LHFPL6: variants seen among roughly 807,000 people sequenced by gnomAD.
LHFPL6 encodes LHFPL tetraspan subfamily member 6, also known as LHFPL tetraspan subfamily member 6 protein.
A neutral mutation model predicts 20.6 loss-of-function variants in LHFPL6; 9 were observed. The observed-to-expected ratio is 0.44, with a 90% CI of 0.26 to 0.76. The LOEUF (loss-of-function observed/expected upper bound fraction) is 0.76, where lower values mean the gene tolerates loss of function less well. Among genes scored for constraint, LHFPL6 ranks in the 30% least tolerant of loss-of-function variants. LHFPL6 has a pLI of 0.20. For synonymous variants in LHFPL6, 105 were observed against 98.7 expected (o/e 1.06, Z -0.38); for missense variants, 218 against 253.5 (o/e 0.86, Z 0.95).
chr13:39,535,176 C>A (rs1300199040), intron 2 of LHFPL6, among the ~76,000 whole-genome samples: 1 of 152,190 alleles, frequency 6.6e-6, no homozygotes, highest in African/African-American at 2.4e-5. Context: ...TGGAGAAGGG[C>A]CCACCCTAAT....
intron 2 of LHFPL6, among the ~76,000 whole-genome samples, chr13:39,379,369 G>C (rs964681271): frequency 6.6e-6 from 1 of 152,124 alleles, no homozygotes; most frequent in Admixed American, 6.6e-5. Flanking sequence ...GTCAATCACA[G>C]GTGTTATCAA....
intron 2 of LHFPL6, among the ~76,000 whole-genome samples, chr13:39,542,090 C>CA (rs1276711788): frequency 1.1e-5 from 1 of 87,168 alleles, no homozygotes; most frequent in Admixed American, 1.1e-4. Context: ...GACTCTATCT[C>CA]AAAAATATAA....
chr13:39,361,842 A>G (rs1377038598), intron 3 of LHFPL6, among the ~76,000 whole-genome samples: 1 of 152,158 alleles, frequency 6.6e-6, no homozygotes, highest in Non-Finnish European at 1.5e-5. Flanking sequence ...GCATTGCCAG[A>G]TAAGAGAATG....
chr13:39,547,394 C>A (rs1483090574), intron 2 of LHFPL6, among the ~76,000 whole-genome samples: 3 of 152,024 alleles, frequency 2.0e-5, no homozygotes, highest in African/African-American at 7.3e-5. Flanking sequence ...AAATCAAAAT[C>A]AATTTGCTGA....
chr13:39,527,764 T>C (rs1012945247), intron 2 of LHFPL6, among the ~76,000 whole-genome samples: 2 of 152,158 alleles, frequency 1.3e-5, no homozygotes, highest in African/African-American at 2.4e-5. Context: ...GACTACAAAA[T>C]TGGCTGGACA....
chr13:39,408,843 G>A (rs1369611032), intron 2 of LHFPL6, among the ~76,000 whole-genome samples: 1 of 152,180 alleles, frequency 6.6e-6, no homozygotes, highest in Non-Finnish European at 1.5e-5. Context: ...TAGAAGGAAT[G>A]AGAGGTTTGT....
At chr13:39,568,400 G>C (rs1364350677) in intron 2 of LHFPL6, among the ~76,000 whole-genome samples, 1 of 151,948 alleles carries the variant, frequency 6.6e-6, no homozygotes, top group South Asian at 2.1e-4. Flanking sequence ...ATTTTATTCA[G>C]GACAATGACC....
chr13:39,372,957 T>C (rs1312550820), intron 3 of LHFPL6, among the ~76,000 whole-genome samples: 1 of 152,224 alleles, frequency 6.6e-6, no homozygotes, highest in Non-Finnish European at 1.5e-5. Context: ...CTTTTCCTCC[T>C]GCCCTCTCTG....
chr13:39,594,745 A>G lies in LHFPL6; in HGVS notation c.385+6087T>C, dbSNP rs1056186643. Among the ~76,000 whole-genome samples the G allele has an allele frequency of 3.7e-4, 57 of 152,380 alleles. 1 individual carries two copies. The highest frequency in any genetic ancestry group is 1.2e-3 in the African/African-American group (50 of 41,602). On this transcript the variant is annotated intron_variant, in intron 2 of 3. Coordinates refer to ENST00000379589, the MANE Select transcript of LHFPL6 (RefSeq NM_005780.3). ...ATGTCCAACAATGATAGACTGGATTAAGAAAATGTGGCACATATACACCAT... is the reference window on the plus strand; with the variant it reads ...ATGTCCAACAATGATAGACTGGATTGAGAAAATGTGGCACATATACACCAT...
At chr13:39,569,674 T>C (rs1871851486) in intron 2 of LHFPL6, among the ~76,000 whole-genome samples, 1 of 152,228 alleles carries the variant, frequency 6.6e-6, no homozygotes, top group African/African-American at 2.4e-5. Flanking sequence ...ATTAATATTC[T>C]TTATGATCAA....
intron 2 of LHFPL6, among the ~76,000 whole-genome samples, chr13:39,498,360 T>C (rs1030235809): frequency 6.6e-6 from 1 of 152,224 alleles, no homozygotes; most frequent in African/African-American, 2.4e-5. Flanking sequence ...AGGGTTGTGC[T>C]AAACCTGGCT....
intron 2 of LHFPL6, among the ~76,000 whole-genome samples, chr13:39,552,010 T>C (rs933272267): frequency 6.6e-6 from 1 of 152,234 alleles, no homozygotes; most frequent in Non-Finnish European, 1.5e-5. Flanking sequence ...GTGAATTAGC[T>C]ATATACTGCT....
intron 2 of LHFPL6, among the ~76,000 whole-genome samples, chr13:39,486,451 G>A (rs1467200942): frequency 6.6e-6 from 1 of 152,092 alleles, no homozygotes; most frequent in Non-Finnish European, 1.5e-5. Flanking sequence ...CTTACAAATG[G>A]GTGGTATACA....
intron 2 of LHFPL6, among the ~76,000 whole-genome samples, chr13:39,576,377 C>T (rs1247334533): frequency 2.0e-5 from 3 of 152,170 alleles, no homozygotes; most frequent in Admixed American, 2.0e-4. Context: ...GTAAATTAAG[C>T]ATTAGTTCCA....
At chr13:39,345,620 T>C (rs141715184) in intron 3 of LHFPL6, among the ~76,000 whole-genome samples, 61 of 150,092 alleles carry the variant, frequency 4.1e-4, no homozygotes, top group African/African-American at 1.2e-3. Context: ...GACACTGAAG[T>C]GAAACCTCAA....
chr13:39,592,533 T>C (rs1377284176), intron 2 of LHFPL6, among the ~76,000 whole-genome samples: 1 of 152,196 alleles, frequency 6.6e-6, no homozygotes, highest in Non-Finnish European at 1.5e-5. Flanking sequence ...AGCCGAATTC[T>C]ACCAGAGGTA....
At chr13:39,423,675 T>TA (rs1416773423) in intron 2 of LHFPL6, among the ~76,000 whole-genome samples, 24 of 152,160 alleles carry the variant, frequency 1.6e-4, no homozygotes, top group Admixed American at 1.6e-3. Flanking sequence ...ATCCCAGGCA[T>TA]AGGAATCAAT....
chr13:39,452,175 CA>C (rs1872467046), intron 2 of LHFPL6, among the ~76,000 whole-genome samples: 1 of 151,940 alleles, frequency 6.6e-6, no homozygotes, highest in Non-Finnish European at 1.5e-5. Context: ...TCCCACTCCC[CA>C]CTGGGCTGCG....
chr13:39,383,147 T>C (rs1870484188), intron 2 of LHFPL6, among the ~76,000 whole-genome samples: 1 of 152,198 alleles, frequency 6.6e-6, no homozygotes, highest in African/African-American at 2.4e-5. Context: ...AGACCAATTC[T>C]GTAAGCTCAG....
Sources: gnomAD v4.1 joint callset for allele counts (sites outside exome capture counted in the v4.1 genomes callset) on GRCh38, gnomAD v4.1.1 for gene constraint, MANE v1.5 for transcripts, NCBI Gene and HGNC (gene_info 2026-07-23, HGNC 2026-07-21) for gene names.